Variants in ALDH1L2 observed in about 807,000 individuals in gnomAD.
The protein encoded by ALDH1L2 is mitochondrial 10-formyltetrahydrofolate dehydrogenase.
Under a neutral mutation model 111.0 loss-of-function variants are expected in ALDH1L2, and 91 were observed. That is an observed-to-expected ratio of 0.82 (90% CI 0.69 to 0.98). The LOEUF (loss-of-function observed/expected upper bound fraction) is 0.98, where lower values mean the gene tolerates loss of function less well. Among genes scored for constraint, ALDH1L2 ranks in the 50% least tolerant of loss-of-function variants. ALDH1L2 has a pLI of 0.00. For synonymous variants in ALDH1L2, 374 were observed against 392.6 expected (o/e 0.95, Z 0.56); for missense variants, 995 against 1,126.8 (o/e 0.88, Z 1.67).
chr12:105,031,622 C>G, intron 20 of ALDH1L2, 147 bp downstream of exon 20: 1 of 1,145,924 alleles, frequency 8.7e-7, no homozygotes, highest in East Asian at 2.5e-5. Flanking sequence ...CTCAGCCTCC[C>G]CAGTAGCAGG....
intron 13 of ALDH1L2, chr12:105,047,311 C>G (rs1047357840): frequency 1.0e-5 from 3 of 287,444 alleles, no homozygotes; most frequent in African/African-American, 6.6e-5. Context: ...AGATCAAATA[C>G]TATGGTTCCC....
intron 7 of ALDH1L2, among the ~76,000 whole-genome samples, 174 bp downstream of exon 7, chr12:105,062,714 C>T (rs1474925730): frequency 6.6e-6 from 1 of 152,226 alleles, no homozygotes; most frequent in African/African-American, 2.4e-5. Context: ...CCACTTTACA[C>T]AAGGCAGCCT....
In ALDH1L2 at chr12:105,024,356, A is replaced by G; in HGVS notation, c.*68T>C. The G allele has an allele frequency of 6.3e-7, 1 of 1,582,462 alleles. No individual in the cohort carries two copies. The highest frequency in any genetic ancestry group is 8.7e-7 in the Non-Finnish European group (1 of 1,153,490). On this transcript the variant is annotated 3_prime_UTR_variant, in exon 23 of 23. Transcript: ENST00000258494. ...TGACACCTCCTGCCTCAACACACCC[A>G]ATCTTCTTAAGTGTGTCCAGAGTTG...
At chr12:105,074,479 A>G (rs1439299206) in intron 1 of ALDH1L2, among the ~76,000 whole-genome samples, 11 of 149,510 alleles carry the variant, frequency 7.4e-5, no homozygotes, top group South Asian at 6.3e-4. Flanking sequence ...AAAAAAAAAA[A>G]AAAAGAAAAG....
At chr12:105,043,927 A>G (rs1382695194) in intron 15 of ALDH1L2, among the ~76,000 whole-genome samples, 14 of 152,200 alleles carry the variant, frequency 9.2e-5, no homozygotes. Context: ...GCCAGGAGAG[A>G]ATCTTTCACA....
At chr12:105,055,188 G>C (rs1005342743) in intron 10 of ALDH1L2, among the ~76,000 whole-genome samples, 1 of 152,146 alleles carries the variant, frequency 6.6e-6, no homozygotes, top group South Asian at 2.1e-4. Flanking sequence ...AGGCAGAATT[G>C]TAAACTGCCT....
intron 19 of ALDH1L2, 136 bp downstream of exon 19, chr12:105,034,164 A>G (rs1874852711): frequency 1.3e-6 from 1 of 757,140 alleles, no homozygotes; most frequent in Non-Finnish European, 2.1e-6. Context: ...TAAAAAAACT[A>G]GGGACTGATT....
At position 105,036,029 on chromosome 12, in the gene ALDH1L2, A is replaced by T. The variant is rs1308508050; in HGVS notation, c.2146-1631T>A. Among the ~76,000 whole-genome samples, 3 of 105,572 alleles carry T rather than the reference A, an allele frequency of 2.8e-5. No homozygotes were observed. The Admixed American group carries it at 3.1e-4, about 11-fold the overall frequency. The allele number at this position is 105,572 out of a possible 152,430, so 69.3% of individuals were successfully genotyped here. A position where few individuals can be genotyped will look rare whatever the true frequency, so the allele number is the denominator to read the frequency against. Reference sequence around the variant, plus strand: ...ATATGTGTATATATATTATATATATACGTATATTTATATATGTGTATATAT... The same window carrying T: ...ATATGTGTATATATATTATATATATTCGTATATTTATATATGTGTATATAT... On this transcript the variant is annotated intron_variant, in intron 18 of 22. Coordinates refer to ENST00000258494, the MANE Select transcript of ALDH1L2 (RefSeq NM_001034173.4).
intron 22 of ALDH1L2, among the ~76,000 whole-genome samples, chr12:105,024,964 A>G (rs1344897990): frequency 6.6e-6 from 1 of 152,238 alleles, no homozygotes; most frequent in African/African-American, 2.4e-5. Flanking sequence ...AAAGTTTGAA[A>G]TCATTTGGTT....
chr12:105,038,240 C>T (rs1565953167), intron 17 of ALDH1L2, 38 bp from the exon 18 acceptor site: 2 of 1,064,558 alleles, frequency 1.9e-6, no homozygotes, highest in South Asian at 2.6e-5. Context: ...ATTTAGTTAA[C>T]ATCTCTCTCT....
Position 105,046,706 on chromosome 12 carries a change from T to C in ALDH1L2, c.1863+4A>G. 5 of 1,613,652 alleles carry C rather than the reference T, an allele frequency of 3.1e-6. No individual in the cohort carries two copies. The highest frequency in any genetic ancestry group is 4.2e-6 in the Non-Finnish European group (5 of 1,179,612). ...ATTCTGCACCTGGCCCTTTGTGGCC[T>C]TACCTGTGCTGGCTTGAGCACTAAG... On this transcript the variant is annotated splice_donor_region_variant and intron_variant, in intron 15 of 22. Coordinates refer to ENST00000258494, the MANE Select transcript of ALDH1L2 (RefSeq NM_001034173.4).
At position 105,034,408 on chromosome 12, in the gene ALDH1L2, G is replaced by A. The variant is rs1874867248; in HGVS notation, c.2146-10C>T. 1 of 1,607,674 alleles carries A rather than the reference G, an allele frequency of 6.2e-7. No homozygotes were observed. The highest frequency in any genetic ancestry group is 8.5e-7 in the Non-Finnish European group (1 of 1,176,600). On this transcript the variant is annotated splice_polypyrimidine_tract_variant and intron_variant, in intron 18 of 22. Coordinates refer to ENST00000258494, the MANE Select transcript of ALDH1L2 (RefSeq NM_001034173.4). ...ATACTGCTCCCATGCCCTTCAGTGG[G>A]AGAAGAGAAAATATTGCTAACATCA...
In ALDH1L2 at chr12:105,066,634, A is replaced by G. The variant is rs776438669; in HGVS notation, c.630T>C (p.Ala210=). 1 of 1,614,120 alleles carries G rather than the reference A, an allele frequency of 6.2e-7. No individual in the cohort carries two copies. Among genetic ancestry groups the G allele is most frequent in the South Asian group, 1.1e-5 (1 of 91,076 alleles). Residue 210 remains alanine, a synonymous_variant, in exon 5 of 23, where the codon GCT becomes GCC. Coordinates refer to ENST00000258494, the MANE Select transcript of ALDH1L2 (RefSeq NM_001034173.4). ...CTTCTTCTGGCTGGGGTATACGAGG[A>G]GCTTTTCCATCAGCTATGAGTTGGA... is the stretch of plus-strand genomic sequence containing the variant. ...EAVQLIADGK[A]PRIPQPEEGA... is the part of the protein sequence containing the mutation.
intron 1 of ALDH1L2, among the ~76,000 whole-genome samples, chr12:105,078,899 G>A (rs1457220934): frequency 1.3e-5 from 2 of 152,182 alleles, no homozygotes; most frequent in Admixed American, 6.5e-5. Context: ...ACAAATGCAT[G>A]TGCACAGCGT....
intron 22 of ALDH1L2, 134 bp from the exon 23 acceptor site, chr12:105,024,613 A>C: frequency 4.8e-6 from 4 of 842,084 alleles, no homozygotes; most frequent in African/African-American, 1.7e-5. Context: ...AGTGCTTCTC[A>C]CACTTTGAAG....
At chr12:105,058,319 C>T in intron 9 of ALDH1L2, 99 bp from the exon 10 acceptor site, 1 of 1,207,864 alleles carries the variant, frequency 8.3e-7, no homozygotes, top group Non-Finnish European at 1.1e-6. Flanking sequence ...GTAAGACTTA[C>T]ATCACATGCC....
Position 105,070,740 on chromosome 12 carries a change from C to T in ALDH1L2, c.258G>A (p.Lys86=), listed in dbSNP as rs749483272. Residue 86 remains lysine, a synonymous_variant, in exon 3 of 23, where the codon AAG becomes AAA. Coordinates refer to ENST00000258494, the MANE Select transcript of ALDH1L2 (RefSeq NM_001034173.4). ...FKLPKWRVKG[K]TIKEVAEAYR... ...AGGCTTCTGCCACTTCTTTGATGGT[C>T]TTGCCCTTGACCCTCCATTTAGGAA... The T allele has an allele frequency of 9.3e-6, 15 of 1,614,216 alleles. No individual in the cohort carries two copies. In the East Asian group the frequency reaches 2.2e-4, roughly 24 times the overall value.
Position 105,024,495 on chromosome 12 carries a change from G to A in ALDH1L2, c.2717-16C>T, listed in dbSNP as rs778130306. 2 of 1,613,182 alleles carry A rather than the reference G, an allele frequency of 1.2e-6. No individual in the cohort carries two copies. The highest frequency in any genetic ancestry group is 1.1e-5 in the South Asian group (1 of 90,980). ...GCTTCCTCACCTAGGGAAGAGAAAA[G>A]CAGTTGACAGACCACATTCAGAGGC... On this transcript the variant is annotated splice_polypyrimidine_tract_variant and intron_variant, in intron 22 of 22. Coordinates refer to ENST00000258494, the MANE Select transcript of ALDH1L2 (RefSeq NM_001034173.4).
At chr12:105,077,320 G>C (rs1878103787) in intron 1 of ALDH1L2, among the ~76,000 whole-genome samples, 1 of 147,700 alleles carries the variant, frequency 6.8e-6, no homozygotes, top group Non-Finnish European at 1.5e-5. Context: ...ACCTAGGCTT[G>C]AGTGCAATGG....
Sources: allele counts gnomAD v4.1 joint callset (sites outside exome capture counted in the v4.1 genomes callset), GRCh38; gene constraint gnomAD v4.1.1; transcripts MANE v1.5; gene names NCBI Gene and HGNC (gene_info 2026-07-23, HGNC 2026-07-21).